Variants in CEP128 observed in about 807,000 individuals in gnomAD.
CEP128 encodes the protein centrosomal protein 128kDa.
CEP128 carries 132 observed loss-of-function variants against 156.7 expected under a neutral mutation model. That is an observed-to-expected ratio of 0.84 (90% CI 0.73 to 0.97). The LOEUF is 0.97. Among genes scored for constraint, CEP128 ranks in the 50% least tolerant of loss-of-function variants. The pLI, the probability that CEP128 is intolerant of heterozygous loss-of-function variation, is 0.00. For synonymous variants in CEP128, 469 were observed against 448.9 expected (o/e 1.04, Z -0.57); for missense variants, 1,252 against 1,281.9 (o/e 0.98, Z 0.36).
In CEP128 at chr14:80,530,980, A is replaced by C; in HGVS notation, c.2881-94T>G. 4.7e-6 allele frequency: 3 copies of C among 638,722 alleles called. No homozygotes were observed. In the South Asian group the frequency reaches 8.0e-5, roughly 17 times the overall value. 39.6% of individuals were successfully genotyped at this position (638,722 alleles called of 1,614,324 possible). On this transcript the variant is annotated intron_variant, in intron 21 of 24. Coordinates refer to ENST00000555265, the MANE Select transcript of CEP128 (RefSeq NM_152446.5). Reference sequence around the variant, plus strand: ...TAAAAATCAGATGCACCACTGTAAGAAGCAGTTCAAACTGTAGATTTAGAC... The same window carrying C: ...TAAAAATCAGATGCACCACTGTAAGCAGCAGTTCAAACTGTAGATTTAGAC...
rs1883801224 is a variant in CEP128 at position 80,904,968 on chromosome 14, C to G, written c.362-37G>C. ...AAAGAAAAGGGAAGGTATTAAAATA[C>G]TGCATGAGAAGAGACAATCTAAAAT... On this transcript the variant is annotated intron_variant, in intron 5 of 24. Coordinates refer to ENST00000555265, the MANE Select transcript of CEP128 (RefSeq NM_152446.5). 1.7e-5 allele frequency: 20 copies of G among 1,162,722 alleles called. No individual in the cohort carries two copies. In the East Asian group the frequency reaches 4.7e-4, roughly 27 times the overall value. The allele number at this position is 1,162,722 out of a possible 1,614,324, so 72.0% of individuals were successfully genotyped here.
intron 19 of CEP128, among the ~76,000 whole-genome samples, chr14:80,623,961 A>G (rs549700894): frequency 3.9e-5 from 6 of 152,226 alleles, no homozygotes; most frequent in African/African-American, 1.4e-4. Flanking sequence ...AGCTTTTTTG[A>G]AAATATACAG....
intron 19 of CEP128, among the ~76,000 whole-genome samples, chr14:80,695,214 A>G (rs1000125318): frequency 1.3e-5 from 2 of 152,118 alleles, no homozygotes; most frequent in African/African-American, 4.8e-5. Flanking sequence ...AAAAGAAAAA[A>G]AAAAAACTTT....
intron 18 of CEP128, among the ~76,000 whole-genome samples, chr14:80,755,579 T>G: frequency 6.6e-6 from 1 of 152,196 alleles, no homozygotes; most frequent in Non-Finnish European, 1.5e-5. Flanking sequence ...TTTGGTAGAT[T>G]TATGAAAACA....
chr14:80,785,797 C>T (rs756247085), intron 14 of CEP128, among the ~76,000 whole-genome samples: 12 of 152,060 alleles, frequency 7.9e-5, no homozygotes, highest in East Asian at 1.9e-4. Flanking sequence ...AAACTTATTT[C>T]AATCCATGGT....
intron 8 of CEP128, among the ~76,000 whole-genome samples, chr14:80,880,559 A>T (rs905521654): frequency 6.6e-6 from 1 of 152,072 alleles, no homozygotes; most frequent in Admixed American, 6.6e-5. Context: ...GGTCCTACAC[A>T]TCAAAAACCC....
chr14:80,505,815 G>A lies in CEP128; in HGVS notation c.3073-795C>T, dbSNP rs1430311118. On this transcript the variant is annotated intron_variant, in intron 23 of 24. Transcript: ENST00000555265. ...CATGAACGCTTCCTACTTATTTACT[G>A]TACTTGTGGTTTTTTTCCTTCTTTC... Among the ~76,000 whole-genome samples the A allele has an allele frequency of 2.0e-5, 3 of 152,088 alleles. No individual in the cohort carries two copies. The East Asian group carries it at 5.8e-4, about 29-fold the overall frequency.
intron 13 of CEP128, chr14:80,830,518 C>G (rs146450283): frequency 4.1e-4 from 109 of 265,242 alleles, no homozygotes; most frequent in Middle Eastern, 1.2e-3. Flanking sequence ...TCAATTAAAC[C>G]ATTTCCTTTT....
downstream of CEP128, among the ~76,000 whole-genome samples, chr14:80,493,156 G>A (rs1451919512): frequency 6.6e-6 from 1 of 152,140 alleles, no homozygotes; most frequent in Non-Finnish European, 1.5e-5. Context: ...GTCCTATGGG[G>A]CTACAAAAGA....
At chr14:80,936,255 G>A (rs1256796415) in intron 2 of CEP128, among the ~76,000 whole-genome samples, 1 of 152,170 alleles carries the variant, frequency 6.6e-6, no homozygotes, top group Non-Finnish European at 1.5e-5. Flanking sequence ...AGTGGCTCAG[G>A]CCTGCAATCA....
chr14:80,838,185 A>T lies in CEP128; in HGVS notation c.924+19T>A. 1 of 1,558,518 alleles carries T rather than the reference A, an allele frequency of 6.4e-7. No individual in the cohort carries two copies. Among genetic ancestry groups the T allele is most frequent in the South Asian group, 1.1e-5 (1 of 89,446 alleles). ...TGATTTAATGTAAAAGTATATTATA[A>T]TAACTTGCATAGACTTACCTGATGC... On this transcript the variant is annotated intron_variant, in intron 11 of 24. Coordinates refer to ENST00000555265, the MANE Select transcript of CEP128 (RefSeq NM_152446.5).
At chr14:80,485,413 G>A (rs1887140734) in intron 14 of CEP128, among the ~76,000 whole-genome samples, 1 of 151,950 alleles carries the variant, frequency 6.6e-6, no homozygotes, top group African/African-American at 2.4e-5. Flanking sequence ...CTTTTTCTGA[G>A]AAGAGCAATA....
intron 19 of CEP128, among the ~76,000 whole-genome samples, chr14:80,611,518 G>A (rs1690376424): frequency 6.6e-6 from 1 of 151,994 alleles, no homozygotes; most frequent in Non-Finnish European, 1.5e-5. Flanking sequence ...CTTAGATTAT[G>A]GCTATTTGAA....
At chr14:80,655,218 TA>T (rs1895078365) in intron 19 of CEP128, among the ~76,000 whole-genome samples, 1 of 152,210 alleles carries the variant, frequency 6.6e-6, no homozygotes, top group Non-Finnish European at 1.5e-5. Flanking sequence ...AATTCAGGAA[TA>T]AAATATTAAA....
intron 8 of CEP128, among the ~76,000 whole-genome samples, chr14:80,876,176 A>C (rs1009549825): frequency 9.9e-5 from 15 of 152,066 alleles, no homozygotes; most frequent in Non-Finnish European, 1.9e-4. Flanking sequence ...GCAGCAAGCA[A>C]CAAGTCAAAA....
intron 9 of CEP128, among the ~76,000 whole-genome samples, chr14:80,858,611 C>A (rs1467663676): frequency 7.0e-6 from 1 of 143,182 alleles, no homozygotes. Context: ...GAACAGGCAA[C>A]CTACAAAATG....
intron 19 of CEP128, among the ~76,000 whole-genome samples, chr14:80,735,615 T>C (rs1199364336): frequency 6.6e-6 from 1 of 152,214 alleles, no homozygotes; most frequent in East Asian, 1.9e-4. Context: ...TAGTTTTTCA[T>C]AGATGCTGTA....
rs1181163053 is a variant in CEP128, at chr14:80,678,104, G to A, written c.2806+64971C>T. ...CTCAAGGAAACATGACACAGTAGCT[G>A]AAGTTAGGAAGAACTGCCCATCTGT... On this transcript the variant is annotated intron_variant, in intron 19 of 24. Transcript: ENST00000555265. Among the ~76,000 whole-genome samples, 2 of 141,988 alleles carry A rather than the reference G, an allele frequency of 1.4e-5. 1 individual carries two copies. Among genetic ancestry groups the A allele is most frequent in the East Asian group, 3.9e-4 (2 of 5,108 alleles). 93.1% of individuals were successfully genotyped at this position (141,988 alleles called of 152,430 possible).
In CEP128 at chr14:80,895,753, T is replaced by C; in HGVS notation, c.610A>G (p.Thr204Ala). ...TTCTGGGCTTCATTAAGTTTTTCAG[T>C]CAATTCTTCCAAAGCCCTTTTTGTT... is the stretch of plus-strand genomic sequence containing the variant. ...AETKRALEEL[T>A]EKLNEAQKQE... is the part of the protein sequence containing the mutation. The change falls in exon 8 of 25, where the codon ACT becomes GCT. Residue 204 changes from threonine (T) to alanine (A), a missense_variant. Coordinates refer to ENST00000555265, the MANE Select transcript of CEP128 (RefSeq NM_152446.5). 1 of 1,571,222 alleles carries C rather than the reference T, an allele frequency of 6.4e-7. No homozygotes were observed. The highest frequency in any genetic ancestry group is 8.6e-7 in the Non-Finnish European group (1 of 1,158,070).
Sources: gnomAD v4.1 joint callset for allele counts (sites outside exome capture counted in the v4.1 genomes callset) on GRCh38, gnomAD v4.1.1 for gene constraint, MANE v1.5 for transcripts, NCBI Gene and HGNC (gene_info 2026-07-23, HGNC 2026-07-21) for gene names.